TGIF2: variants seen among roughly 807,000 people sequenced by gnomAD.
TGIF2 encodes the protein TGFB induced factor homeobox 2.
TGIF2 carries 5 observed loss-of-function variants against 15.1 expected under a neutral mutation model. That is an observed-to-expected ratio of 0.33 (90% CI 0.17 to 0.70). The LOEUF is 0.70. TGIF2 is among the 30% of genes least tolerant of loss of function. TGIF2 has a pLI of 0.67. For missense variants in TGIF2, 264 were observed against 302.5 expected (o/e 0.87, Z 0.94); for synonymous variants, 131 against 128.9 (o/e 1.02, Z -0.11).
chr20:36,576,949 C>A (rs2038442612), intron 1 of TGIF2, among the ~76,000 whole-genome samples: 1 of 152,190 alleles, frequency 6.6e-6, no homozygotes, highest in Admixed American at 6.5e-5. Context: ...AAGCGATCCA[C>A]CTGCCTTGGC....
At chr20:36,575,944 T>G (rs1008105793) in intron 1 of TGIF2, among the ~76,000 whole-genome samples, 5 of 148,292 alleles carry the variant, frequency 3.4e-5, no homozygotes, top group African/African-American at 1.2e-4. Flanking sequence ...AAAAAAAAAA[T>G]AGCTAGATGT....
At position 36,593,421 on chromosome 20, in the gene TGIF2, G is replaced by A. The variant is rs1195833083; in HGVS notation, c.*1990G>A. ...TGAACGGATCGCTGAAGGAGAGGGAGCTTTGCTCTCTCTAGGTGGGCAAGT... is the reference window on the plus strand; with the variant it reads ...TGAACGGATCGCTGAAGGAGAGGGAACTTTGCTCTCTCTAGGTGGGCAAGT... On this transcript the variant is annotated 3_prime_UTR_variant, in exon 3 of 3. Transcript: ENST00000373872. 6.6e-6 allele frequency: 1 copy of A among 152,270 alleles called. No homozygotes were observed. The highest frequency in any genetic ancestry group is 2.4e-5 in the African/African-American group (1 of 41,446). The allele number at this position is 152,270 out of a possible 1,614,324, so 9.4% of individuals were successfully genotyped here.
chr20:36,591,782 AT>A lies in TGIF2; in HGVS notation c.*352del. The A allele has an allele frequency of 4.9e-6, 1 of 203,226 alleles. No individual in the cohort carries two copies. The highest frequency in any genetic ancestry group is 1.0e-5 in the Non-Finnish European group (1 of 99,362). 12.6% of individuals were successfully genotyped at this position (203,226 alleles called of 1,614,324 possible). Reference sequence around the variant, plus strand: ...CAGGAAAGCTGCCAAATTCAGTCCTATGTTGGGTCCAAGCTGCCCCTGTGCT... The same window carrying A: ...CAGGAAAGCTGCCAAATTCAGTCCTAGTTGGGTCCAAGCTGCCCCTGTGCT... On this transcript the variant is annotated 3_prime_UTR_variant, in exon 3 of 3. Transcript: ENST00000373872. The surrounding 1 kb of genome is among the most constrained non-coding windows in gnomAD (Gnocchi z 5.3).
intron 2 of TGIF2, among the ~76,000 whole-genome samples, chr20:36,589,817 T>G (rs1004708622): frequency 6.6e-5 from 10 of 152,086 alleles, no homozygotes; most frequent in Non-Finnish European, 1.3e-4. Flanking sequence ...GCCTCGCAAG[T>G]AGCCGAGACT....
chr20:36,580,813 CAAAAAAAAAAAA>C lies in TGIF2; in HGVS notation c.192+1862_192+1873del, dbSNP rs71184101. 1.6e-3 allele frequency among the ~76,000 whole-genome samples: 72 copies of C among 45,928 alleles called. 1 individual carries two copies. Among genetic ancestry groups the C allele is most frequent in the African/African-American group, 2.3e-3 (25 of 11,108 alleles). The allele number at this position is 45,928 out of a possible 152,430, so 30.1% of individuals were successfully genotyped here. ...TGGGCGAAGGAGTGAGACATTGTCT[CAAAAAAAAAAAA>C]AAAAAAAAAAAAAACAAGGCCAGGC... On this transcript the variant is annotated intron_variant, in intron 2 of 2. Coordinates refer to ENST00000373872, the MANE Select transcript of TGIF2 (RefSeq NM_021809.7).
intron 2 of TGIF2, among the ~76,000 whole-genome samples, chr20:36,585,532 G>A (rs1475625485): frequency 6.7e-6 from 1 of 149,882 alleles, no homozygotes; most frequent in Non-Finnish European, 1.5e-5. Flanking sequence ...ACCAGCACCA[G>A]TCACTCGGCT....
At position 36,593,866 on chromosome 20, in the gene TGIF2, A is replaced by T. The variant is rs989333813; in HGVS notation, c.*2435A>T. 6.6e-6 allele frequency: 1 copy of T among 152,622 alleles called. No individual in the cohort carries two copies. Among genetic ancestry groups the T allele is most frequent in the African/African-American group, 2.4e-5 (1 of 41,448 alleles). The allele number at this position is 152,622 out of a possible 1,614,324, so 9.5% of individuals were successfully genotyped here. ...CCTGGAGGAGAAGCACAGTTGTCCC[A>T]TTGAATTATTTGAGCAAAAACTACT... On this transcript the variant is annotated 3_prime_UTR_variant, in exon 3 of 3. Coordinates refer to ENST00000373872, the MANE Select transcript of TGIF2 (RefSeq NM_021809.7).
Position 36,591,043 on chromosome 20 carries a change from G to A in TGIF2, c.326G>A (p.Ser109Asn), listed in dbSNP as rs2038760070. Residue 109 changes from serine (S) to asparagine (N), a missense_variant, in exon 3 of 3, where the codon AGC becomes AAC. Physicochemically the swap from Ser to Asn is conservative, Grantham distance 46 (BLOSUM62 1). Transcript: ENST00000373872. The surrounding 1 kb of genome is among the most constrained non-coding windows in gnomAD (Gnocchi z 5.3). ...KASDVALPRGSSPSVLAVSVP... is the reference protein window; with the variant it reads ...KASDVALPRGNSPSVLAVSVP... The stretch of plus-strand genomic sequence containing the variant: ...TCAGATGTGGCCCTCCCCCGTGGCA[G>A]CAGCCCCTCAGTGCTGGCTGTGTCT... The A allele has an allele frequency of 6.2e-7, 1 of 1,601,404 alleles. No homozygotes were observed.
rs1350190383 is a variant in TGIF2, at chr20:36,591,645, G to A, written c.*214G>A. 2.9e-5 allele frequency: 15 copies of A among 519,102 alleles called. No homozygotes were observed. Among genetic ancestry groups the A allele is most frequent in the African/African-American group, 3.8e-5 (2 of 52,838 alleles). 32.2% of individuals were successfully genotyped at this position (519,102 alleles called of 1,614,324 possible). On this transcript the variant is annotated 3_prime_UTR_variant, in exon 3 of 3. Transcript: ENST00000373872. This position sits in a 1 kb window ranked among gnomAD's most constrained non-coding sequence, Gnocchi z 5.3. ...GACTCTGCCGTTTCTCCAGGCCTCC[G>A]CTCAGTGATGAGACCAAGAGATCGG...
chr20:36,588,366 T>G (rs2038703122), intron 2 of TGIF2, among the ~76,000 whole-genome samples: 1 of 137,812 alleles, frequency 7.3e-6, no homozygotes, highest in African/African-American at 2.7e-5. Context: ...TTTTTTTTTT[T>G]TTTTTTTTTT....
intron 2 of TGIF2, among the ~76,000 whole-genome samples, chr20:36,583,317 G>T (rs2038583461): frequency 6.6e-6 from 1 of 151,878 alleles, no homozygotes; most frequent in South Asian, 2.1e-4. Flanking sequence ...CAGTGGTCTG[G>T]CAGGGTAACT....
Position 36,573,617 on chromosome 20 carries a change from G to T in TGIF2, c.-163G>T, listed in dbSNP as rs548606808. On this transcript the variant is annotated 5_prime_UTR_variant, in exon 1 of 3. Transcript: ENST00000373872. ...ACGTCAGGCCGCGAGGTGCTTTCCAGCCGCGAGCTGTCAGGCCGAGTGTCA... is the reference window on the plus strand; with the variant it reads ...ACGTCAGGCCGCGAGGTGCTTTCCATCCGCGAGCTGTCAGGCCGAGTGTCA... 1.1e-4 allele frequency: 16 copies of T among 151,152 alleles called. No individual in the cohort carries two copies. Among genetic ancestry groups the T allele is most frequent in the Admixed American group, 1.1e-3 (16 of 15,198 alleles). 9.4% of individuals were successfully genotyped at this position (151,152 alleles called of 1,614,324 possible).
intron 1 of TGIF2, among the ~76,000 whole-genome samples, chr20:36,576,672 G>A (rs1270845605): frequency 1.3e-5 from 2 of 152,072 alleles, no homozygotes; most frequent in Non-Finnish European, 2.9e-5. Context: ...GGTTTGGTAT[G>A]TTTGCAACCA....
intron 1 of TGIF2, among the ~76,000 whole-genome samples, chr20:36,574,356 C>G (rs1437357836): frequency 6.7e-6 from 1 of 148,298 alleles, no homozygotes; most frequent in Non-Finnish European, 1.5e-5. Flanking sequence ...CTCGGGCAGG[C>G]CGAAGGTGAT....
rs1432951769 is a variant in TGIF2, at chr20:36,591,912, A to G, written c.*481A>G. 2 of 154,628 alleles carry G rather than the reference A, an allele frequency of 1.3e-5. No individual in the cohort carries two copies. The highest frequency in any genetic ancestry group is 2.4e-5 in the African/African-American group (1 of 41,454). 9.6% of individuals were successfully genotyped at this position (154,628 alleles called of 1,614,324 possible). A position where few individuals can be genotyped will look rare whatever the true frequency, so the allele number is the denominator to read the frequency against. On this transcript the variant is annotated 3_prime_UTR_variant, in exon 3 of 3. Transcript: ENST00000373872. This position sits in a 1 kb window ranked among gnomAD's most constrained non-coding sequence, Gnocchi z 5.3. ...GAACCGACTCCAGTTGAATGTTTAGATTTTTGCTAAACTGTTTTCTTTTTC... is the reference window on the plus strand; with the variant it reads ...GAACCGACTCCAGTTGAATGTTTAGGTTTTTGCTAAACTGTTTTCTTTTTC...
At chr20:36,583,405 C>G (rs999743243) in intron 2 of TGIF2, among the ~76,000 whole-genome samples, 1 of 151,258 alleles carries the variant, frequency 6.6e-6, no homozygotes, top group Non-Finnish European at 1.5e-5. Flanking sequence ...CTACAGTGAG[C>G]TATGATCATG....
At chr20:36,583,003 T>A (rs2038576643) in intron 2 of TGIF2, among the ~76,000 whole-genome samples, 1 of 152,092 alleles carries the variant, frequency 6.6e-6, no homozygotes, top group Non-Finnish European at 1.5e-5. Flanking sequence ...AGGCCAGGCA[T>A]GGTGGTTCGT....
chr20:36,590,229 T>C (rs1271011271), intron 2 of TGIF2, among the ~76,000 whole-genome samples: 1 of 152,202 alleles, frequency 6.6e-6, no homozygotes, highest in Admixed American at 6.5e-5. Context: ...AGTGCTGGAA[T>C]TACAGGTGTG....
chr20:36,588,264 A>G (rs949975164), intron 2 of TGIF2, among the ~76,000 whole-genome samples: 3 of 151,478 alleles, frequency 2.0e-5, no homozygotes, highest in East Asian at 1.9e-4. Context: ...AACATAATGC[A>G]AGTGAGGTGG....
Sources: allele counts gnomAD v4.1 joint callset (sites outside exome capture counted in the v4.1 genomes callset), GRCh38; gene constraint gnomAD v4.1.1; non-coding constraint Gnocchi (gnomAD v3.1); transcripts MANE v1.5; gene names NCBI Gene and HGNC (gene_info 2026-07-23, HGNC 2026-07-21).